The following CREB5 variants were observed in gnomAD, a reference collection of about 807,000 sequenced individuals.
The protein encoded by CREB5 is cyclic AMP-responsive element-binding protein 5.
Under a neutral mutation model 57.1 loss-of-function variants are expected in CREB5, and 19 were observed. The ratio of observed to expected loss-of-function variants is 0.33; its 90% CI spans 0.23 to 0.49. The LOEUF (loss-of-function observed/expected upper bound fraction) is 0.49, where lower values mean the gene tolerates loss of function less well. Ranked by LOEUF, CREB5 falls within the 20% of genes least tolerant of loss-of-function variation. CREB5 has a pLI of 0.99. For missense variants in CREB5, 579 were observed against 671.6 expected (o/e 0.86, Z 1.52); for synonymous variants, 238 against 238.3 (o/e 1.00, Z 0.01).
At position 28,404,917 on chromosome 7, in the gene CREB5, C is replaced by T. The variant is rs1328097894; in HGVS notation, c.-24-89989C>T. Among the ~76,000 whole-genome samples the T allele has an allele frequency of 3.9e-5, 6 of 152,216 alleles. No homozygotes were observed. The East Asian group carries it at 7.7e-4, about 20-fold the overall frequency. ...GCAACAGCAATGTGGGTTCTTTTCT[C>T]ATCTCTGCCATGCCCCAGCTGTGCA... On this transcript the variant is annotated intron_variant, in intron 1 of 9. Coordinates refer to the CREB5 transcript ENST00000396299.
chr7:28,714,833 C>A (rs148053804), intron 5 of CREB5, among the ~76,000 whole-genome samples: 3 of 152,282 alleles, frequency 2.0e-5, no homozygotes, highest in African/African-American at 7.2e-5. Context: ...CACATCTTAC[C>A]TTGTTCCATG....
At chr7:28,780,321 A>C (rs1200894007) in intron 7 of CREB5, among the ~76,000 whole-genome samples, 1 of 152,224 alleles carries the variant, frequency 6.6e-6, no homozygotes, top group Non-Finnish European at 1.5e-5. Flanking sequence ...TGTACTCTGC[A>C]CTGCAGAAAA....
chr7:28,722,738 C>T (rs1803113844), intron 6 of CREB5, among the ~76,000 whole-genome samples: 1 of 152,178 alleles, frequency 6.6e-6, no homozygotes, highest in Admixed American at 6.5e-5. Flanking sequence ...TTATTAGCTC[C>T]TCTTGAAACA....
chr7:28,764,381 A>AGTT (rs1371670370), intron 7 of CREB5, among the ~76,000 whole-genome samples: 1 of 152,106 alleles, frequency 6.6e-6, no homozygotes, highest in Non-Finnish European at 1.5e-5. Flanking sequence ...CTGACCCAAA[A>AGTT]GTTTACACTT....
In CREB5 at chr7:28,536,468, C is replaced by G. The variant is rs1296357723; in HGVS notation, c.291+28731C>G. Among the ~76,000 whole-genome samples, 5 of 152,298 alleles carry G rather than the reference C, an allele frequency of 3.3e-5. No individual in the cohort carries two copies. The East Asian group carries it at 7.7e-4, about 24-fold the overall frequency. On this transcript the variant is annotated intron_variant, in intron 4 of 10. Coordinates refer to ENST00000357727, the MANE Select transcript of CREB5 (RefSeq NM_182898.4). Reference sequence around the variant, plus strand: ...TCTCCTAGTGGTAGGAACTCTGTCTCTGCTGTTTTCAAGCCTGACCCAGCT... The same window carrying G: ...TCTCCTAGTGGTAGGAACTCTGTCTGTGCTGTTTTCAAGCCTGACCCAGCT...
chr7:28,702,135 T>C (rs377426518), intron 5 of CREB5, among the ~76,000 whole-genome samples: 1 of 152,250 alleles, frequency 6.6e-6, no homozygotes, highest in South Asian at 2.1e-4. Flanking sequence ...TTATAAGGAA[T>C]AGCAGTCCGT....
intron 7 of CREB5, among the ~76,000 whole-genome samples, chr7:28,731,523 T>C (rs145288310): frequency 6.6e-6 from 1 of 152,310 alleles, no homozygotes; most frequent in Non-Finnish European, 1.5e-5. Context: ...AAATCGTTTC[T>C]TTTGAGAAAA....
intron 1 of CREB5, among the ~76,000 whole-genome samples, chr7:28,359,224 T>TAAA (rs70977038): frequency 0.38 from 52,056 of 136,074 alleles, 9,010 homozygotes; most frequent in Middle Eastern, 0.43. Flanking sequence ...ACAAAACAAA[T>TAAA]AAAAAAAAAA....
intron 7 of CREB5, among the ~76,000 whole-genome samples, chr7:28,760,610 C>A (rs4722842): frequency 0.17 from 26,464 of 152,048 alleles, 2,469 homozygotes; most frequent in African/African-American, 0.23. Flanking sequence ...TTGCCACACA[C>A]AAAAACCTAT....
chr7:28,417,972 T>C (rs1260874010), intron 1 of CREB5, among the ~76,000 whole-genome samples: 1 of 152,234 alleles, frequency 6.6e-6, no homozygotes, highest in Non-Finnish European at 1.5e-5. Flanking sequence ...TTGATTTACA[T>C]GTAACCTCGT....
At chr7:28,710,490 C>T (rs1272309648) in intron 5 of CREB5, among the ~76,000 whole-genome samples, 1 of 152,096 alleles carries the variant, frequency 6.6e-6, no homozygotes, top group South Asian at 2.1e-4. Flanking sequence ...TTAAAAATTA[C>T]TCAAAATTAA....
At chr7:28,788,335 C>T (rs904870761) in intron 7 of CREB5, among the ~76,000 whole-genome samples, 3 of 152,204 alleles carry the variant, frequency 2.0e-5, no homozygotes, top group African/African-American at 7.2e-5. Flanking sequence ...CAGTTGAGAA[C>T]AACTAGGTTA....
At chr7:28,580,590 TGTGAGAGA>T (rs1368599510) in intron 5 of CREB5, among the ~76,000 whole-genome samples, 2 of 145,474 alleles carry the variant, frequency 1.4e-5, no homozygotes, top group African/African-American at 2.5e-5. Context: ...TGTGTGTGTG[TGTGAGAGA>T]GAGATAGACA....
At chr7:28,655,402 T>C (rs1269448085) in intron 5 of CREB5, among the ~76,000 whole-genome samples, 1 of 151,968 alleles carries the variant, frequency 6.6e-6, no homozygotes, top group Non-Finnish European at 1.5e-5. Flanking sequence ...AATCCAGGAG[T>C]TCAACACCAG....
At chr7:28,376,325 G>A (rs1462197437) in intron 1 of CREB5, among the ~76,000 whole-genome samples, 1 of 146,940 alleles carries the variant, frequency 6.8e-6, no homozygotes, top group East Asian at 2.0e-4. Flanking sequence ...AGGCAGTGCA[G>A]TGGTGCGATC....
chr7:28,300,593 CA>C (rs1050732302), intron 1 of CREB5, among the ~76,000 whole-genome samples: 1 of 152,108 alleles, frequency 6.6e-6, no homozygotes, highest in Non-Finnish European at 1.5e-5. Context: ...CACATTTAAA[CA>C]AAAATCCCAG....
At chr7:28,408,448 G>GAGAC (rs1444344366), upstream of CREB5, among the ~76,000 whole-genome samples, 1 of 152,178 alleles carries the variant, frequency 6.6e-6, no homozygotes, top group Non-Finnish European at 1.5e-5. Context: ...CCGGATACTG[G>GAGAC]AGACGCCAGG....
At chr7:28,316,768 C>A (rs149989905) in intron 1 of CREB5, among the ~76,000 whole-genome samples, 1,964 of 152,232 alleles carry the variant, frequency 0.013, 16 homozygotes, top group Middle Eastern at 0.027. Context: ...ACAGCTCTAA[C>A]TGTGGTTACA....
At chr7:28,661,288 C>A (rs1444820328) in intron 5 of CREB5, among the ~76,000 whole-genome samples, 1 of 152,188 alleles carries the variant, frequency 6.6e-6, no homozygotes, top group Non-Finnish European at 1.5e-5. Flanking sequence ...GCTGCCATAG[C>A]ATTTAGTATG....
Sources: gnomAD v4.1 joint callset for allele counts (sites outside exome capture counted in the v4.1 genomes callset) on GRCh38, gnomAD v4.1.1 for gene constraint, MANE v1.5 for transcripts, NCBI Gene and HGNC (gene_info 2026-07-23, HGNC 2026-07-21) for gene names.